Variants in PSME4 observed in about 807,000 individuals in gnomAD.
PSME4 encodes proteasome activator complex subunit 4.
A neutral mutation model predicts 253.9 loss-of-function variants in PSME4; 89 were observed. The observed-to-expected ratio is 0.35, with a 90% CI of 0.30 to 0.42. The LOEUF is 0.42. Among genes scored for constraint, PSME4 ranks in the 10% least tolerant of loss-of-function variants. The pLI, the probability that PSME4 is intolerant of heterozygous loss-of-function variation, is 1.00. For synonymous variants in PSME4, 851 were observed against 759.2 expected (o/e 1.12, Z -1.99); for missense variants, 2,014 against 2,195.2 (o/e 0.92, Z 1.65).
rs181476528 is a variant in PSME4 at position 53,931,330 on chromosome 2, C to G, written c.1316+505G>C. Among the ~76,000 whole-genome samples, 731 of 152,242 alleles carry G rather than the reference C, an allele frequency of 4.8e-3. 2 individuals are homozygous for G. Among genetic ancestry groups the G allele is most frequent in the Middle Eastern group, 0.01 (3 of 294 alleles). On this transcript the variant is annotated intron_variant, in intron 10 of 46. Coordinates refer to ENST00000404125, the MANE Select transcript of PSME4 (RefSeq NM_014614.3). ...TAAGTATACCACGCCTATTCTGTGA[C>G]AGTGGCTAGGCAAGTAAAGAGTTTT...
Position 53,899,996 on chromosome 2 carries a change from T to C in PSME4, c.3307A>G (p.Ile1103Val), listed in dbSNP as rs777060851. ...DFTIPKSCVE[I>V]AELLQQSKNP... Reference sequence around the variant, plus strand: ...TTTGACTGTTGAAGTAATTCCGCTATTTCAACACATGACTTTGGAATCTTG... The same window carrying C: ...TTTGACTGTTGAAGTAATTCCGCTACTTCAACACATGACTTTGGAATCTTG... The change falls in exon 29 of 47, where the codon ATA becomes GTA. Residue 1103 changes from isoleucine to valine, a missense_variant. Physicochemically the swap from Ile to Val is conservative, Grantham distance 29. Coordinates refer to ENST00000404125, the MANE Select transcript of PSME4 (RefSeq NM_014614.3). 9.9e-6 allele frequency: 16 copies of C among 1,613,334 alleles called. No homozygotes were observed. The highest frequency in any genetic ancestry group is 1.4e-5 in the Non-Finnish European group (16 of 1,179,694).
At chr2:53,903,151 C>T (rs1176904202) in intron 27 of PSME4, among the ~76,000 whole-genome samples, 2 of 152,144 alleles carry the variant, frequency 1.3e-5, no homozygotes, top group Admixed American at 6.6e-5. Context: ...CCATAGATTT[C>T]AATTATAATC....
rs773025940 is a variant in PSME4 at position 53,895,027 on chromosome 2, T to C, written c.3892A>G (p.Ser1298Gly). ...GVEEQPKLGR[S>G]REDMTEAEQI... Reference sequence around the variant, plus strand: ...CTTACCTCTGTCATATCCTCCCTGCTTCTGCCAAGCTTAGGCTGCTCTTCC... The same window carrying C: ...CTTACCTCTGTCATATCCTCCCTGCCTCTGCCAAGCTTAGGCTGCTCTTCC... Residue 1298 changes from serine (S) to glycine (G), a missense_variant, in exon 34 of 47, where the codon AGC (serine) becomes GGC (glycine). Physicochemically the swap from Ser to Gly is moderately conservative, Grantham distance 56. Coordinates refer to ENST00000404125, the MANE Select transcript of PSME4 (RefSeq NM_014614.3). The C allele has an allele frequency of 6.2e-7, 1 of 1,613,146 alleles. No individual in the cohort carries two copies.
At chr2:53,936,671 C>T in intron 6 of PSME4, 93 bp downstream of exon 6, 1 of 841,422 alleles carries the variant, frequency 1.2e-6, no homozygotes, top group South Asian at 2.2e-5. Context: ...ACCAAATGAT[C>T]TATTAATATT....
At chr2:53,894,380 TCC>T (rs1680047152) in intron 34 of PSME4, among the ~76,000 whole-genome samples, 1 of 152,330 alleles carries the variant, frequency 6.6e-6, no homozygotes, top group African/African-American at 2.4e-5. Flanking sequence ...CGGGTAATTT[TCC>T]CACCTTAGCC....
intron 28 of PSME4, among the ~76,000 whole-genome samples, chr2:53,900,730 G>C (rs1298637467): frequency 6.6e-6 from 1 of 152,164 alleles, no homozygotes; most frequent in East Asian, 1.9e-4. Context: ...CCCTATGTTT[G>C]ATTTAAAAGG....
intron 1 of PSME4, among the ~76,000 whole-genome samples, chr2:53,968,578 C>T (rs1413964439): frequency 6.6e-6 from 1 of 152,202 alleles, no homozygotes; most frequent in African/African-American, 2.4e-5. Flanking sequence ...AAGATCACAA[C>T]ATGTCCCACC....
intron 16 of PSME4, among the ~76,000 whole-genome samples, chr2:53,922,797 T>A (rs1198593457): frequency 6.8e-6 from 1 of 147,468 alleles, no homozygotes; most frequent in Non-Finnish European, 1.5e-5. Flanking sequence ...CTTCTGCCCC[T>A]CTATATCTCA....
intron 1 of PSME4, among the ~76,000 whole-genome samples, chr2:53,966,114 C>G (rs562551569): frequency 1.3e-5 from 2 of 151,960 alleles, no homozygotes; most frequent in South Asian, 4.2e-4. Flanking sequence ...GCAAAACCCC[C>G]TCTCTAATAA....
intron 3 of PSME4, 145 bp from the exon 4 acceptor site, chr2:53,940,145 C>T (rs927747030): frequency 2.6e-5 from 15 of 583,076 alleles, no homozygotes; most frequent in South Asian, 6.9e-5. Context: ...TTCATACAAA[C>T]GGAACTGCAA....
intron 36 of PSME4, among the ~76,000 whole-genome samples, chr2:53,891,400 C>A (rs1199471518): frequency 6.6e-6 from 1 of 152,120 alleles, no homozygotes; most frequent in Non-Finnish European, 1.5e-5. Flanking sequence ...AGTGCTACCC[C>A]TGCTGCAGGT....
intron 30 of PSME4, 68 bp from the exon 31 acceptor site, chr2:53,898,067 G>C: frequency 1.3e-6 from 2 of 1,502,118 alleles, no homozygotes; most frequent in Non-Finnish European, 1.8e-6. Context: ...AACTGTATGT[G>C]AAACACCTTA....
chr2:53,948,096 T>C (rs1289873468), intron 3 of PSME4, among the ~76,000 whole-genome samples: 9 of 152,168 alleles, frequency 5.9e-5, no homozygotes, highest in Admixed American at 5.9e-4. Context: ...AAATGATACC[T>C]GTCAGTCTAG....
chr2:53,918,970 G>A (rs1012624627), intron 20 of PSME4, among the ~76,000 whole-genome samples, 181 bp downstream of exon 20: 1 of 152,074 alleles, frequency 6.6e-6, no homozygotes, highest in Admixed American at 6.5e-5. Context: ...GTGAAAATCT[G>A]AATAAAGCCT....
At chr2:53,880,320 G>A (rs1039979247) in intron 41 of PSME4, among the ~76,000 whole-genome samples, 1 of 152,016 alleles carries the variant, frequency 6.6e-6, no homozygotes. Context: ...CTGGAGTGGT[G>A]GTGCTGGCAC....
chr2:53,944,070 C>T (rs1182278076), intron 3 of PSME4, among the ~76,000 whole-genome samples: 1 of 152,050 alleles, frequency 6.6e-6, no homozygotes, highest in Admixed American at 6.6e-5. Context: ...TTTAAAATTG[C>T]TTTTAAAAGA....
chr2:53,877,181 C>T (rs805391), intron 41 of PSME4, among the ~76,000 whole-genome samples: 79,703 of 147,796 alleles, frequency 0.54, 21,632 homozygotes, highest in East Asian at 0.71. Flanking sequence ...TAAGGGACTC[C>T]GGGGTGCTAA....
Position 53,865,362 on chromosome 2 carries a change from G to C in PSME4, c.*216C>G, listed in dbSNP as rs1461389155. ...GTCAGATGCCTCAAAAAAAAAAAGT[G>C]ATCAGTATTCTGGAAACACTTCCGG... On this transcript the variant is annotated 3_prime_UTR_variant, in exon 47 of 47. Coordinates refer to ENST00000404125, the MANE Select transcript of PSME4 (RefSeq NM_014614.3). The C allele has an allele frequency of 6.6e-6, 1 of 152,036 alleles. No homozygotes were observed. Among genetic ancestry groups the C allele is most frequent in the African/African-American group, 2.4e-5 (1 of 41,314 alleles). 9.4% of individuals were successfully genotyped at this position (152,036 alleles called of 1,614,324 possible).
chr2:53,873,038 A>G (rs953686319), intron 43 of PSME4, among the ~76,000 whole-genome samples: 9 of 151,954 alleles, frequency 5.9e-5, no homozygotes, highest in African/African-American at 9.7e-5. Context: ...CAGGAGATCG[A>G]GACCATCCTG....
Sources: allele counts gnomAD v4.1 joint callset (sites outside exome capture counted in the v4.1 genomes callset), GRCh38; gene constraint gnomAD v4.1.1; transcripts MANE v1.5; gene names NCBI Gene and HGNC (gene_info 2026-07-23, HGNC 2026-07-21).